The following NPNT variants were observed in gnomAD, a reference collection of about 807,000 sequenced individuals.
The protein encoded by NPNT is nephronectin, also known as preosteoblast EGF-like repeat protein with MAM domain.
In NPNT, 45 loss-of-function variants were observed where a neutral mutation model predicts 68.6. The ratio of observed to expected loss-of-function variants is 0.66; its 90% CI spans 0.52 to 0.84. The LOEUF is 0.84. Among genes scored for constraint, NPNT ranks in the 40% least tolerant of loss-of-function variants. The pLI, the probability that NPNT is intolerant of heterozygous loss-of-function variation, is 0.00. For synonymous variants in NPNT, 233 were observed against 253.3 expected, an observed-to-expected ratio of 0.92 and a Z score of 0.76; for missense variants, 672 against 714.8, an observed-to-expected ratio of 0.94 and a Z score of 0.68.
chr4:105,907,590 T>G (rs978219285), intron 2 of NPNT, among the ~76,000 whole-genome samples: 2 of 152,016 alleles, frequency 1.3e-5, no homozygotes, highest in South Asian at 4.2e-4. Flanking sequence ...GCCAAGATAA[T>G]TTGGCTTGAA....
intron 11 of NPNT, among the ~76,000 whole-genome samples, chr4:105,967,708 G>T (rs989431129): frequency 2.6e-5 from 4 of 151,810 alleles, no homozygotes; most frequent in African/African-American, 9.7e-5. Flanking sequence ...AAAAAATCTA[G>T]GAATAGAAAA....
chr4:105,929,062 T>A (rs569274281), intron 3 of NPNT, among the ~76,000 whole-genome samples: 3 of 152,240 alleles, frequency 2.0e-5, no homozygotes, highest in Admixed American at 6.5e-5. Context: ...CAAACCATCA[T>A]CTAGGTTTCA....
At chr4:105,963,463 G>T (rs1365639410) in intron 10 of NPNT, among the ~76,000 whole-genome samples, 1 of 152,268 alleles carries the variant, frequency 6.6e-6, no homozygotes, top group East Asian at 1.9e-4. Context: ...CAAAATAAGT[G>T]CATTTGCTAG....
At chr4:105,895,887 C>G (rs1258263340) in intron 1 of NPNT, 164 bp downstream of exon 1, 2 of 624,884 alleles carry the variant, frequency 3.2e-6, no homozygotes, top group African/African-American at 1.9e-5. Context: ...TCCAGCGGCT[C>G]CGAGTGCCCG....
In NPNT at chr4:105,970,046, G is replaced by A. The variant is rs553734384; in HGVS notation, c.*1056G>A. ...TGCAGAGTGAGAGGAAGCATAGGGGGAAACTCCATTGGAACAGATTTTCAC... is the reference window on the plus strand; with the variant it reads ...TGCAGAGTGAGAGGAAGCATAGGGGAAAACTCCATTGGAACAGATTTTCAC... On this transcript the variant is annotated 3_prime_UTR_variant, in exon 12 of 12. Coordinates refer to ENST00000379987, the MANE Select transcript of NPNT (RefSeq NM_001033047.3). The A allele has an allele frequency of 9.6e-5, 19 of 197,830 alleles. No homozygotes were observed. The highest frequency in any genetic ancestry group is 4.4e-4 in the African/African-American group (19 of 43,052). 12.3% of individuals were successfully genotyped at this position (197,830 alleles called of 1,614,324 possible).
intron 2 of NPNT, among the ~76,000 whole-genome samples, chr4:105,909,281 A>G (rs1727165062): frequency 6.6e-6 from 1 of 152,156 alleles, no homozygotes; most frequent in South Asian, 2.1e-4. Context: ...TTTGACATAG[A>G]TAATGGTGGT....
intron 1 of NPNT, 37 bp downstream of exon 1, chr4:105,895,760 G>T: frequency 6.6e-7 from 1 of 1,525,016 alleles, no homozygotes. Flanking sequence ...CCTCCTTCCC[G>T]CGCTAATTTC....
chr4:105,906,325 T>A (rs944697542), intron 2 of NPNT, among the ~76,000 whole-genome samples: 4 of 152,138 alleles, frequency 2.6e-5, no homozygotes, highest in Non-Finnish European at 5.9e-5. Flanking sequence ...TGGGAGTGAA[T>A]GATGGGATGG....
intron 2 of NPNT, among the ~76,000 whole-genome samples, chr4:105,921,091 TG>T (rs1303419353): frequency 2.6e-5 from 4 of 152,338 alleles, no homozygotes; most frequent in Non-Finnish European, 5.9e-5. Context: ...TTATAGATTG[TG>T]GTCTTAACTG....
intron 2 of NPNT, among the ~76,000 whole-genome samples, chr4:105,926,586 T>C (rs957989755): frequency 1.2e-4 from 18 of 152,270 alleles, no homozygotes; most frequent in African/African-American, 4.1e-4. Context: ...GAATCACTGA[T>C]AGAGAATAAA....
chr4:105,965,838 T>C (rs993949664), intron 10 of NPNT, among the ~76,000 whole-genome samples: 3 of 152,178 alleles, frequency 2.0e-5, no homozygotes, highest in Non-Finnish European at 4.4e-5. Context: ...CATTCGTTGA[T>C]TCAAACATCC....
chr4:105,946,622 T>A (rs1393526932), intron 8 of NPNT, among the ~76,000 whole-genome samples: 1 of 152,106 alleles, frequency 6.6e-6, no homozygotes, highest in Non-Finnish European at 1.5e-5. Context: ...CCAGCAAGTT[T>A]TATTAAGGAT....
Position 105,970,603 on chromosome 4 carries a change from G to A in NPNT, c.*1613G>A, listed in dbSNP as rs1560551807. 1.5e-6 allele frequency: 1 copy of A among 663,330 alleles called. No individual in the cohort carries two copies. The highest frequency in any genetic ancestry group is 2.8e-6 in the Non-Finnish European group (1 of 360,324). The allele number at this position is 663,330 out of a possible 1,614,324, so 41.1% of individuals were successfully genotyped here. ...CTGGCTTAGACTAGAGTATAAGGGA[G>A]CATTTCTTGGCAGGGGCCATTGTTA... is the stretch of plus-strand genomic sequence containing the variant. On this transcript the variant is annotated 3_prime_UTR_variant, in exon 12 of 12. Coordinates refer to ENST00000379987, the MANE Select transcript of NPNT (RefSeq NM_001033047.3).
Position 105,942,459 on chromosome 4 carries a change from A to T in NPNT, c.916A>T (p.Ile306Phe). The change falls in exon 8 of 12, where the codon ATT becomes TTT. Residue 306 changes from isoleucine (I) to phenylalanine (F), a missense_variant. Transcript: ENST00000379987. ...GAAGACACCATATATTCCTCCTATC[A>T]TTACCAACAGGCCTACTTCTAAGCC... ...PPKTPYIPPI[I>F]TNRPTSKPTT... 2 of 1,613,982 alleles carry T rather than the reference A, an allele frequency of 1.2e-6. No homozygotes were observed. The highest frequency in any genetic ancestry group is 1.7e-6 in the Non-Finnish European group (2 of 1,179,978).
In NPNT at chr4:105,920,395, T is replaced by TAAAAAAAAAAAAAAAAAAAAAAAAAAA. The variant is rs11355483; in HGVS notation, c.173-6917_173-6916insAAAAAAAAAAAAAAAAAAAAAAAAAAA. 3.9e-4 allele frequency among the ~76,000 whole-genome samples: 31 copies of TAAAAAAAAAAAAAAAAAAAAAAAAAAA among 79,458 alleles called. 1 individual carries two copies. Among genetic ancestry groups the TAAAAAAAAAAAAAAAAAAAAAAAAAAA allele is most frequent in the African/African-American group, 1.5e-3 (29 of 19,504 alleles). The allele number at this position is 79,458 out of a possible 152,430, so 52.1% of individuals were successfully genotyped here. ...GTGGGCATTGCTACTGTTACTCTAC[T>TAAAAAAAAAAAAAAAAAAAAAAAAAAA]AAAAAAAAAAAAAAAAAAAAAAAAC... is the stretch of plus-strand genomic sequence containing the variant. On this transcript the variant is annotated intron_variant, in intron 2 of 11. Coordinates refer to ENST00000379987, the MANE Select transcript of NPNT (RefSeq NM_001033047.3).
chr4:105,951,322 G>A (rs565254024), intron 8 of NPNT, among the ~76,000 whole-genome samples: 24 of 152,264 alleles, frequency 1.6e-4, no homozygotes, highest in East Asian at 1.9e-4. Flanking sequence ...CTGTTATTAC[G>A]CAACATGAGA....
chr4:105,909,438 A>G (rs1294678705), intron 2 of NPNT, among the ~76,000 whole-genome samples: 3 of 152,226 alleles, frequency 2.0e-5, no homozygotes, highest in African/African-American at 4.8e-5. Context: ...TTTTGAAACA[A>G]TTACTTTTTA....
intron 3 of NPNT, among the ~76,000 whole-genome samples, chr4:105,934,787 G>A (rs1317756355): frequency 6.6e-6 from 1 of 152,108 alleles, no homozygotes; most frequent in Non-Finnish European, 1.5e-5. Flanking sequence ...ACTCATGACA[G>A]CACATTGGCT....
At chr4:105,918,949 G>A (rs1243618585) in intron 2 of NPNT, among the ~76,000 whole-genome samples, 3 of 152,078 alleles carry the variant, frequency 2.0e-5, no homozygotes, top group Admixed American at 6.6e-5. Flanking sequence ...ATGGCAATGA[G>A]AGCAGAGAGA....
Sources: allele counts gnomAD v4.1 joint callset (sites outside exome capture counted in the v4.1 genomes callset), GRCh38; gene constraint gnomAD v4.1.1; transcripts MANE v1.5; gene names NCBI Gene and HGNC (gene_info 2026-07-23, HGNC 2026-07-21).